Variants in AKAP9 observed in about 807,000 individuals in gnomAD.
AKAP9 encodes A-kinase anchoring protein 9.
A neutral mutation model predicts 488.5 loss-of-function variants in AKAP9; 311 were observed. That is an observed-to-expected ratio of 0.64 (90% CI 0.58 to 0.70). The LOEUF is 0.70. Ranked by LOEUF, AKAP9 falls within the 30% of genes least tolerant of loss-of-function variation. The pLI, the probability that AKAP9 is intolerant of heterozygous loss-of-function variation, is 0.00. For missense variants in AKAP9, 4,215 were observed against 4,374.5 expected, an observed-to-expected ratio of 0.96 and a Z score of 1.03; for synonymous variants, 1,462 against 1,483.5, an observed-to-expected ratio of 0.99 and a Z score of 0.33.
At chr7:92,081,493 A>T (rs1185294346) in intron 31 of AKAP9, among the ~76,000 whole-genome samples, 4,189 of 121,244 alleles carry the variant, frequency 0.035, 249 homozygotes, top group African/African-American at 0.12. Context: ...ATATATATAT[A>T]TATATTTTTT....
rs1180706651 is a variant in AKAP9 at position 92,070,091 on chromosome 7, C to G, written c.6392C>G (p.Ser2131Cys). The change falls in exon 27 of 50, where the codon TCT becomes TGT. Residue 2131 changes from serine to cysteine, a missense_variant. Ser to Cys is a moderately radical substitution (Grantham distance 112, BLOSUM62 -1). Transcript: ENST00000356239. ...GACAAATGCAGTGAGCTTTTGCTCT[C>G]TAAAGAGCAGCTTCAAAGGGATATA... The part of the protein sequence containing the change: ...KTDKCSELLL[S>C]KEQLQRDIQE... 1 of 1,613,858 alleles carries G rather than the reference C, an allele frequency of 6.2e-7. No homozygotes were observed. The highest frequency in any genetic ancestry group is 8.5e-7 in the Non-Finnish European group (1 of 1,179,884).
rs1408768804 is a variant in AKAP9 at position 91,956,164 on chromosome 7, G to A, written c.48+15017G>A. On this transcript the variant is annotated intron_variant, in intron 1 of 49. Coordinates refer to ENST00000356239, the MANE Select transcript of AKAP9 (RefSeq NM_005751.5). ...GTCTGTGGTCCCGGCACTTTGGGAGGCTGAGGCGGGCGGATCACGAGGTCA... is the reference window on the plus strand; with the variant it reads ...GTCTGTGGTCCCGGCACTTTGGGAGACTGAGGCGGGCGGATCACGAGGTCA... Among the ~76,000 whole-genome samples the A allele has an allele frequency of 3.9e-5, 6 of 151,912 alleles. No individual in the cohort carries two copies. The East Asian group carries it at 1.2e-3, about 30-fold the overall frequency.
At position 92,079,352 on chromosome 7, in the gene AKAP9, G is replaced by C. The variant is rs1813134631; in HGVS notation, c.7219G>C (p.Glu2407Gln). Residue 2407 changes from glutamate to glutamine, a missense_variant, in exon 31 of 50, where the codon GAA becomes CAA. This residue lies in a region of AKAP9 where 1,476 missense variants were observed against 1,477.4 expected (regional missense o/e 1.00). Transcript: ENST00000356239. ...ALEQQVETAN[E>Q]EMTFMKNVLK... The stretch of plus-strand genomic sequence containing the variant: ...GGAACAGCAAGTAGAAACCGCTAAT[G>C]AAGAAATGACCTTCATGAAAAATGT... The C allele has an allele frequency of 4.3e-6, 7 of 1,614,018 alleles. No individual in the cohort carries two copies. Among genetic ancestry groups the C allele is most frequent in the Non-Finnish European group, 5.9e-6 (7 of 1,179,984 alleles).
intron 12 of AKAP9, among the ~76,000 whole-genome samples, chr7:92,017,608 A>G (rs1801704203): frequency 6.6e-6 from 1 of 152,198 alleles, no homozygotes; most frequent in Non-Finnish European, 1.5e-5. Context: ...ATTGGCAAGG[A>G]TAAGTGTAAT....
chr7:92,079,614 T>C lies in AKAP9; in HGVS notation c.7481T>C (p.Ile2494Thr). Residue 2494 changes from isoleucine (I) to threonine (T), a missense_variant, in exon 31 of 50, where the codon ATA becomes ACA. Transcript: ENST00000356239. ...TTTGAAGAAAATGGCAAAGGTTCCA[T>C]AATTAATTTGGAAACAAGGTTGCTA... ...KSFEENGKGS[I>T]INLETRLLQL... 6.2e-7 allele frequency: 1 copy of C among 1,613,918 alleles called. No homozygotes were observed. The highest frequency in any genetic ancestry group is 1.1e-5 in the South Asian group (1 of 91,064).
chr7:91,993,276 C>G (rs13237473), intron 5 of AKAP9, among the ~76,000 whole-genome samples: 1 of 151,450 alleles, frequency 6.6e-6, no homozygotes, highest in Admixed American at 6.6e-5. Flanking sequence ...GCATCCTCTG[C>G]TTCCTGGGCT....
chr7:91,995,905 A>G (rs538966663), intron 7 of AKAP9, 105 bp downstream of exon 7: 1 of 782,170 alleles, frequency 1.3e-6, no homozygotes, highest in African/African-American at 1.8e-5. Flanking sequence ...ACAAAATTTC[A>G]TAATTAAGCT....
intron 1 of AKAP9, among the ~76,000 whole-genome samples, chr7:91,968,612 TG>T (rs1794701555): frequency 6.6e-6 from 1 of 152,286 alleles, no homozygotes; most frequent in South Asian, 2.1e-4. Flanking sequence ...CTCTGATTTT[TG>T]TTATTTCCTT....
At chr7:91,977,667 A>G (rs966403542) in intron 2 of AKAP9, among the ~76,000 whole-genome samples, 2 of 152,220 alleles carry the variant, frequency 1.3e-5, no homozygotes, top group African/African-American at 4.8e-5. Flanking sequence ...TGCATAGACT[A>G]TCCTTTCCTT....
chr7:92,102,511 G>A (rs959655055), intron 45 of AKAP9, 83 bp from the exon 46 acceptor site: 29 of 1,116,118 alleles, frequency 2.6e-5, no homozygotes, highest in Non-Finnish European at 3.9e-5. Context: ...ACCACTACTT[G>A]TTAAAATCTA....
In AKAP9 at chr7:92,022,258, T is replaced by G; in HGVS notation, c.3858T>G (p.Asp1286Glu). ...RLSKIWGQQT[D>E]GMKLEFGEEN... ...AATAGATCTGGGGACAGCAGACAGA[T>G]GGTATGAAACTTGAATTTGGAGAAG... The change falls in exon 13 of 50, where the codon GAT becomes GAG. Residue 1286 changes from aspartate (D) to glutamate (E), a missense_variant. This residue lies in a region of AKAP9 where 2,361 missense variants were observed against 2,430.0 expected (regional missense o/e 0.97). Transcript: ENST00000356239. 9 of 1,612,880 alleles carry G rather than the reference T, an allele frequency of 5.6e-6. No homozygotes were observed. Among genetic ancestry groups the G allele is most frequent in the Non-Finnish European group, 7.6e-6 (9 of 1,178,984 alleles).
intron 3 of AKAP9, among the ~76,000 whole-genome samples, chr7:91,988,559 G>C (rs1797387716): frequency 6.6e-6 from 1 of 152,038 alleles, no homozygotes; most frequent in African/African-American, 2.4e-5. Context: ...TAATAATCTT[G>C]GCAGATCTAG....
chr7:92,026,699 C>T (rs1803217219), intron 14 of AKAP9, among the ~76,000 whole-genome samples: 1 of 152,240 alleles, frequency 6.6e-6, no homozygotes, highest in Admixed American at 6.5e-5. Context: ...CACCTCCCAG[C>T]CGCCTGCCTT....
At chr7:92,037,119 C>G (rs546151462) in intron 16 of AKAP9, among the ~76,000 whole-genome samples, 1 of 152,306 alleles carries the variant, frequency 6.6e-6, no homozygotes, top group Admixed American at 6.5e-5. Context: ...TGAATTTTCT[C>G]TGCATTGGCT....
chr7:92,070,715 G>A (rs1226290669), intron 27 of AKAP9, among the ~76,000 whole-genome samples, 190 bp from the exon 28 acceptor site: 1 of 148,760 alleles, frequency 6.7e-6, no homozygotes, highest in Non-Finnish European at 1.5e-5. Flanking sequence ...GATTACAGGC[G>A]TGAGCCATCA....
At chr7:92,078,272 A>G (rs1812954467) in intron 30 of AKAP9, among the ~76,000 whole-genome samples, 1 of 151,932 alleles carries the variant, frequency 6.6e-6, no homozygotes, top group Non-Finnish European at 1.5e-5. Flanking sequence ...TGCTGGTATT[A>G]CTGGCATGAG....
chr7:92,047,695 A>C (rs1018935352), intron 21 of AKAP9, among the ~76,000 whole-genome samples: 1 of 152,240 alleles, frequency 6.6e-6, no homozygotes, highest in African/African-American at 2.4e-5. Context: ...CACTACGTAT[A>C]TTTGAATCAA....
At chr7:92,071,187 G>A (rs1035927474) in intron 28 of AKAP9, among the ~76,000 whole-genome samples, 178 bp downstream of exon 28, 3 of 152,092 alleles carry the variant, frequency 2.0e-5, no homozygotes, top group African/African-American at 4.8e-5. Flanking sequence ...TTAAGCTGAC[G>A]GGAAAGAAGA....
At chr7:91,950,305 G>C (rs4470952) in intron 1 of AKAP9, among the ~76,000 whole-genome samples, 16 of 148,406 alleles carry the variant, frequency 1.1e-4, no homozygotes, top group African/African-American at 4.0e-4. Flanking sequence ...TCTCGGCTCA[G>C]TGCAAGCTCT....
Sources: gnomAD v4.1 joint callset for allele counts (sites outside exome capture counted in the v4.1 genomes callset) on GRCh38, gnomAD v4.1.1 for gene constraint, gnomAD v4.1.1 regional missense constraint, MANE v1.5 for transcripts, NCBI Gene and HGNC (gene_info 2026-07-23, HGNC 2026-07-21) for gene names.